The following TEX14 variants were observed in gnomAD, a reference collection of about 807,000 sequenced individuals.
The protein encoded by TEX14 is inactive serine/threonine-protein kinase TEX14.
Under a neutral mutation model 178.6 loss-of-function variants are expected in TEX14, and 168 were observed. The ratio of observed to expected loss-of-function variants is 0.94; its 90% CI spans 0.83 to 1.07. The LOEUF (loss-of-function observed/expected upper bound fraction) is 1.07, where lower values mean the gene tolerates loss of function less well. TEX14 is among the 50% of genes least tolerant of loss of function. The pLI, the probability that TEX14 is intolerant of heterozygous loss-of-function variation, is 0.00. For missense variants in TEX14, 1,730 were observed against 1,753.6 expected, an observed-to-expected ratio of 0.99 and a Z score of 0.24; for synonymous variants, 626 against 634.1, an observed-to-expected ratio of 0.99 and a Z score of 0.19.
chr17:58,607,985 C>A (rs771610992), intron 10 of TEX14, among the ~76,000 whole-genome samples: 7 of 152,112 alleles, frequency 4.6e-5, no homozygotes, highest in Non-Finnish European at 7.4e-5. Flanking sequence ...CTGTGTCCCC[C>A]ACCCACAGAA....
chr17:58,560,145 G>A (rs1233387316), intron 29 of TEX14, among the ~76,000 whole-genome samples: 1 of 152,048 alleles, frequency 6.6e-6, no homozygotes, highest in Non-Finnish European at 1.5e-5. Flanking sequence ...CCCTCTTTGT[G>A]GTACCTCTAG....
intron 2 of TEX14, among the ~76,000 whole-genome samples, chr17:58,640,925 G>T (rs35564417): frequency 0.18 from 28,061 of 151,784 alleles, 2,766 homozygotes; most frequent in Non-Finnish European, 0.21. Context: ...TCACCGCGTT[G>T]CCCAGGCTTG....
intron 24 of TEX14, 119 bp downstream of exon 24, chr17:58,571,802 G>T: frequency 1.2e-6 from 1 of 856,496 alleles, no homozygotes; most frequent in Non-Finnish European, 1.9e-6. Flanking sequence ...AGGCAAGCCA[G>T]GAGAGGACCC....
intron 3 of TEX14, among the ~76,000 whole-genome samples, chr17:58,629,372 T>C (rs1458149687): frequency 6.6e-6 from 1 of 150,902 alleles, no homozygotes; most frequent in East Asian, 2.0e-4. Flanking sequence ...GAGAATTGCT[T>C]GCAGCCGGGT....
rs141664216 is a variant in TEX14, at chr17:58,584,653, C to T, written c.3071-53G>A. Reference sequence around the variant, plus strand: ...AAGTCATTCAGTGATATTCAGACAACATGGAAGAGGATAAAGGTGGCATGA... The same window carrying T: ...AAGTCATTCAGTGATATTCAGACAATATGGAAGAGGATAAAGGTGGCATGA... On this transcript the variant is annotated intron_variant, in intron 18 of 31. Coordinates refer to ENST00000349033, the MANE Select transcript of TEX14 (RefSeq NM_031272.5). 2.2e-6 allele frequency: 3 copies of T among 1,382,098 alleles called. No individual in the cohort carries two copies. The African/African-American group carries it at 4.3e-5, about 20-fold the overall frequency. 85.6% of individuals were successfully genotyped at this position (1,382,098 alleles called of 1,614,324 possible).
At chr17:58,563,687 AGAGAGAGAGAGAGAGCGC>A (rs1567989032) in intron 28 of TEX14, among the ~76,000 whole-genome samples, 6 of 87,566 alleles carry the variant, frequency 6.9e-5, no homozygotes, top group Non-Finnish European at 8.8e-5. Flanking sequence ...AGAGAGAGAG[AGAGAGAGAGAGAGAGCGC>A]AAGATCATAC....
At chr17:58,623,157 G>A in intron 3 of TEX14, 145 bp from the exon 4 acceptor site, 1 of 606,866 alleles carries the variant, frequency 1.6e-6, no homozygotes, top group Non-Finnish European at 2.8e-6. Flanking sequence ...TGAGGCCCCT[G>A]TCTGTGCCCA....
intron 5 of TEX14, among the ~76,000 whole-genome samples, chr17:58,618,678 G>A (rs535763293): frequency 6.6e-6 from 1 of 152,332 alleles, no homozygotes; most frequent in South Asian, 2.1e-4. Flanking sequence ...CATACTCAGG[G>A]CCAGCCCTAC....
intron 20 of TEX14, among the ~76,000 whole-genome samples, chr17:58,579,263 A>G (rs1267543): frequency 0.78 from 119,183 of 152,206 alleles, 46,824 homozygotes; most frequent in East Asian, 1. Context: ...GAAATACATG[A>G]AAACCTAGTT....
chr17:58,620,980 GC>G (rs765364563), intron 5 of TEX14, among the ~76,000 whole-genome samples: 1 of 152,148 alleles, frequency 6.6e-6, no homozygotes, highest in African/African-American at 2.4e-5. Context: ...AAGGAAGCCT[GC>G]AAAAGTGTGG....
intron 1 of TEX14, among the ~76,000 whole-genome samples, chr17:58,656,092 C>T (rs1296254739): frequency 4.6e-5 from 7 of 152,120 alleles, no homozygotes; most frequent in Admixed American, 3.3e-4. Context: ...TCTGAGGTCA[C>T]GAGTTTGAGA....
rs1382383228 is a variant in TEX14, at chr17:58,615,247, T to G, written c.866A>C (p.Glu289Ala). Residue 289 changes from glutamate to alanine, a missense_variant, in exon 8 of 32, where the codon GAG becomes GCG. Glu to Ala is a moderately radical substitution (Grantham distance 107). Transcript: ENST00000349033. ...RLRLADLLIA[E>A]QEHSSKLRHP... ...TCCTTCTCACCTGCTGTGTTCCTGC[T>G]CGGCAATTAACAAGTCGGCCAGCCG... 2 of 1,612,220 alleles carry G rather than the reference T, an allele frequency of 1.2e-6. No individual in the cohort carries two copies. The highest frequency in any genetic ancestry group is 3.3e-5 in the Admixed American group (2 of 59,986).
chr17:58,609,162 T>G (rs996543518), intron 10 of TEX14, among the ~76,000 whole-genome samples: 1 of 152,086 alleles, frequency 6.6e-6, no homozygotes, highest in Admixed American at 6.5e-5. Context: ...CAGGCTGGAG[T>G]GCAGTGGCGT....
At chr17:58,577,803 G>A (rs920481552) in intron 20 of TEX14, among the ~76,000 whole-genome samples, 1 of 152,198 alleles carries the variant, frequency 6.6e-6, no homozygotes, top group Non-Finnish European at 1.5e-5. Flanking sequence ...GTCAACAGAC[G>A]CCAGGGGGCG....
chr17:58,594,734 G>A (rs1167600800), intron 14 of TEX14, among the ~76,000 whole-genome samples: 2 of 152,088 alleles, frequency 1.3e-5, no homozygotes, highest in Admixed American at 6.6e-5. Flanking sequence ...TACCACTGGG[G>A]ATGCTATGAA....
Position 58,690,991 on chromosome 17 carries a change from C to A in TEX14, c.-2+948G>T, listed in dbSNP as rs559606639. Among the ~76,000 whole-genome samples the A allele has an allele frequency of 3.6e-4, 55 of 152,052 alleles. 1 individual carries two copies. Among genetic ancestry groups the A allele is most frequent in the Non-Finnish European group, 1.8e-4 (12 of 68,012 alleles). On this transcript the variant is annotated intron_variant, in intron 1 of 31. Coordinates refer to ENST00000349033, the MANE Select transcript of TEX14 (RefSeq NM_031272.5). ...ACCACAGACTTCTGAGTAGCTGGGA[C>A]GACCGGTGCATGCCACCATGCCCGG...
At chr17:58,591,688 G>T (rs8072873) in intron 15 of TEX14, among the ~76,000 whole-genome samples, 1 of 148,762 alleles carries the variant, frequency 6.7e-6, no homozygotes, top group Non-Finnish European at 1.5e-5. Flanking sequence ...CAAAGTTGTG[G>T]ATTAGTGCTA....
chr17:58,619,600 G>C (rs895785644), intron 5 of TEX14, among the ~76,000 whole-genome samples: 3 of 152,052 alleles, frequency 2.0e-5, no homozygotes, highest in African/African-American at 7.2e-5. Flanking sequence ...CTGAGGTCAG[G>C]AATTCCAGAC....
chr17:58,684,042 C>A (rs1472995066), intron 1 of TEX14, among the ~76,000 whole-genome samples: 2 of 151,014 alleles, frequency 1.3e-5, no homozygotes, highest in East Asian at 4.0e-4. Flanking sequence ...TCCAGCCTGG[C>A]TACAGAGCGA....
Sources: gnomAD v4.1 joint callset for allele counts (sites outside exome capture counted in the v4.1 genomes callset) on GRCh38, gnomAD v4.1.1 for gene constraint, MANE v1.5 for transcripts, NCBI Gene and HGNC (gene_info 2026-07-23, HGNC 2026-07-21) for gene names.